The following COL22A1 variants were observed in gnomAD, a reference collection of about 807,000 sequenced individuals.
COL22A1 encodes the protein collagen type XXII alpha 1 chain.
A neutral mutation model predicts 248.9 loss-of-function variants in COL22A1; 221 were observed. The ratio of observed to expected loss-of-function variants is 0.89; its 90% CI spans 0.80 to 0.99. The LOEUF (loss-of-function observed/expected upper bound fraction) is 0.99. Ranked by LOEUF, COL22A1 falls within the 50% of genes least tolerant of loss-of-function variation. COL22A1 has a pLI of 0.00. For synonymous variants in COL22A1, 891 were observed against 793.4 expected (o/e 1.12, Z -2.07); for missense variants, 2,240 against 2,179.0 (o/e 1.03, Z -0.56).
chr8:138,599,550 C>T (rs532802539), intron 60 of COL22A1, among the ~76,000 whole-genome samples: 1 of 152,160 alleles, frequency 6.6e-6, no homozygotes, highest in Admixed American at 6.5e-5. Flanking sequence ...ATGACTCCAT[C>T]ATTAGCAAAA....
chr8:138,891,020 T>TA (rs889769967), intron 1 of COL22A1, among the ~76,000 whole-genome samples: 56 of 142,362 alleles, frequency 3.9e-4, no homozygotes, highest in South Asian at 1.8e-3. Flanking sequence ...AGACTCCGTA[T>TA]AAAAAAAAAA....
intron 6 of COL22A1, among the ~76,000 whole-genome samples, chr8:138,823,999 T>C (rs913605892): frequency 2.6e-5 from 4 of 152,216 alleles, no homozygotes; most frequent in African/African-American, 9.6e-5. Context: ...TTCTGGTCTC[T>C]TTTTCTGTGC....
intron 22 of COL22A1, among the ~76,000 whole-genome samples, chr8:138,742,163 A>C (rs1373264781): frequency 2.8e-5 from 4 of 142,118 alleles, no homozygotes; most frequent in Non-Finnish European, 4.6e-5. Flanking sequence ...GGTGGAGTTG[A>C]TGGTGATGGT....
chr8:138,878,628 G>C (rs1823938769), intron 2 of COL22A1, among the ~76,000 whole-genome samples: 1 of 152,160 alleles, frequency 6.6e-6, no homozygotes, highest in African/African-American at 2.4e-5. Flanking sequence ...TGTTTAAAAG[G>C]TGACTCCATT....
At chr8:138,734,684 C>T (rs1019262719) in intron 23 of COL22A1, among the ~76,000 whole-genome samples, 2 of 152,162 alleles carry the variant, frequency 1.3e-5, no homozygotes, top group African/African-American at 4.8e-5. Flanking sequence ...GGTATATACC[C>T]AAAGGATTAT....
At chr8:138,817,797 G>A (rs1331364274) in intron 7 of COL22A1, among the ~76,000 whole-genome samples, 3 of 152,188 alleles carry the variant, frequency 2.0e-5, no homozygotes, top group African/African-American at 7.2e-5. Context: ...AGTTTTATAA[G>A]CACTTCACAT....
chr8:138,591,568 C>T, intron 63 of COL22A1, 67 bp from the exon 64 acceptor site: 1 of 1,301,042 alleles, frequency 7.7e-7, no homozygotes, highest in Non-Finnish European at 1.0e-6. Flanking sequence ...GGGCGTCCCA[C>T]CTTGCGGGAG....
chr8:138,912,093 G>A (rs1316448), intron 1 of COL22A1, among the ~76,000 whole-genome samples: 82,285 of 151,954 alleles, frequency 0.54, 23,455 homozygotes, highest in East Asian at 0.84. Context: ...GATGCCTCTT[G>A]TGTTATCTAT....
intron 23 of COL22A1, among the ~76,000 whole-genome samples, chr8:138,728,904 C>T (rs566083081): frequency 6.6e-6 from 1 of 152,214 alleles, no homozygotes; most frequent in East Asian, 1.9e-4. Context: ...CAGGTTTGGG[C>T]ATGACTCGTC....
intron 3 of COL22A1, among the ~76,000 whole-genome samples, chr8:138,859,314 C>T (rs1822273850): frequency 6.6e-6 from 1 of 152,204 alleles, no homozygotes; most frequent in African/African-American, 2.4e-5. Flanking sequence ...CTGGGCTCAG[C>T]CCTCCACCTT....
intron 43 of COL22A1, among the ~76,000 whole-genome samples, chr8:138,660,975 T>TACACAC (rs1259072960): frequency 1.9e-5 from 1 of 52,112 alleles, no homozygotes; most frequent in Non-Finnish European, 5.0e-5. Flanking sequence ...CACACACACA[T>TACACAC]ACACACACAC....
At chr8:138,775,904 C>T (rs1361726519) in intron 16 of COL22A1, 62 bp downstream of exon 16, 72 of 1,493,704 alleles carry the variant, frequency 4.8e-5, no homozygotes, top group Non-Finnish European at 6.7e-5. Context: ...CAGATGGTTC[C>T]ATGCACCCTC....
intron 31 of COL22A1, among the ~76,000 whole-genome samples, chr8:138,701,333 A>G (rs183099143): frequency 7.9e-5 from 12 of 152,284 alleles, no homozygotes; most frequent in African/African-American, 2.9e-4. Flanking sequence ...GATCTGATCC[A>G]TGCAGATGCC....
At chr8:138,820,626 A>AT (rs999728613) in intron 7 of COL22A1, among the ~76,000 whole-genome samples, 17 of 151,944 alleles carry the variant, frequency 1.1e-4, no homozygotes, top group Non-Finnish European at 4.4e-5. Flanking sequence ...ATATTTTCCA[A>AT]TTTTTTTTAC....
At chr8:138,616,141 A>G (rs556216981) in intron 54 of COL22A1, 87 bp from the exon 55 acceptor site, 29 of 1,087,854 alleles carry the variant, frequency 2.7e-5, no homozygotes, top group Middle Eastern at 4.0e-4. Context: ...GAGCTGGGAG[A>G]GGTGGAGAGG....
chr8:138,903,763 G>A (rs1157559677), intron 1 of COL22A1, among the ~76,000 whole-genome samples: 1 of 152,190 alleles, frequency 6.6e-6, no homozygotes, highest in Non-Finnish European at 1.5e-5. Flanking sequence ...GGTGGCAGGG[G>A]ACCAGAATGA....
chr8:138,796,777 TC>T, intron 12 of COL22A1, 41 bp downstream of exon 12: 1 of 1,398,616 alleles, frequency 7.1e-7, no homozygotes, highest in Non-Finnish European at 1.0e-6. Context: ...AAGTCCTCTG[TC>T]CCATTCCCTT....
At position 138,596,849 on chromosome 8, in the gene COL22A1, A is replaced by G. The variant is rs1018763213; in HGVS notation, c.4432+55T>C. ...GCAAAAGCATTCAAGGCTGAGTGAGAGAACTGCTTCCTGGGCTCTTCTCTG... is the reference window on the plus strand; with the variant it reads ...GCAAAAGCATTCAAGGCTGAGTGAGGGAACTGCTTCCTGGGCTCTTCTCTG... On this transcript the variant is annotated intron_variant, in intron 62 of 64. Coordinates refer to ENST00000303045, the MANE Select transcript of COL22A1 (RefSeq NM_152888.3). 6 of 1,527,160 alleles carry G rather than the reference A, an allele frequency of 3.9e-6. No homozygotes were observed. In the African/African-American group the frequency reaches 6.9e-5, roughly 17 times the overall value. The allele number at this position is 1,527,160 out of a possible 1,614,324, so 94.6% of individuals were successfully genotyped here.
chr8:138,830,983 G>C (rs1820001266), intron 5 of COL22A1, among the ~76,000 whole-genome samples: 1 of 152,156 alleles, frequency 6.6e-6, no homozygotes. Context: ...CTCATTGTCT[G>C]GGAAAATGAC....
Sources: allele counts gnomAD v4.1 joint callset (sites outside exome capture counted in the v4.1 genomes callset), GRCh38; gene constraint gnomAD v4.1.1; transcripts MANE v1.5; gene names NCBI Gene and HGNC (gene_info 2026-07-23, HGNC 2026-07-21).